The following CTNND2 variants were observed in gnomAD, a reference collection of about 807,000 sequenced individuals.
CTNND2 encodes the protein catenin delta 2.
CTNND2 carries 22 observed loss-of-function variants against 144.4 expected under a neutral mutation model. The ratio of observed to expected loss-of-function variants is 0.15; its 90% CI spans 0.11 to 0.22. The LOEUF (loss-of-function observed/expected upper bound fraction) is 0.22, where lower values mean the gene tolerates loss of function less well. Ranked by LOEUF, CTNND2 falls within the 10% of genes least tolerant of loss-of-function variation. CTNND2 has a pLI of 1.00. For missense variants in CTNND2, 1,353 were observed against 1,618.8 expected, an observed-to-expected ratio of 0.84 and a Z score of 2.82; for synonymous variants, 751 against 695.6, an observed-to-expected ratio of 1.08 and a Z score of -1.25.
intron 3 of CTNND2, among the ~76,000 whole-genome samples, chr5:11,414,715 C>A (rs1265089272): frequency 6.6e-6 from 1 of 152,138 alleles, no homozygotes; most frequent in Non-Finnish European, 1.5e-5. Flanking sequence ...AAGCCCAGAA[C>A]CCAAGAGTTA....
chr5:11,419,751 GCAT>G (rs964110535), intron 3 of CTNND2, among the ~76,000 whole-genome samples: 16 of 152,206 alleles, frequency 1.1e-4, no homozygotes, highest in African/African-American at 3.4e-4. Flanking sequence ...AAAGTTCAAA[GCAT>G]TTTTCTTAAT....
At chr5:11,093,357 T>A (rs553086556) in intron 15 of CTNND2, among the ~76,000 whole-genome samples, 2 of 149,062 alleles carry the variant, frequency 1.3e-5, no homozygotes, top group East Asian at 3.9e-4. Flanking sequence ...GTTTTAATAG[T>A]CTGCAACAAA....
chr5:11,556,079 T>G (rs1354804281), intron 3 of CTNND2, among the ~76,000 whole-genome samples: 1 of 152,214 alleles, frequency 6.6e-6, no homozygotes, highest in Admixed American at 6.5e-5. Flanking sequence ...TGAGAAATGG[T>G]TTTTTTCCTA....
intron 10 of CTNND2, among the ~76,000 whole-genome samples, chr5:11,208,223 A>G (rs1205448366): frequency 6.6e-6 from 1 of 152,214 alleles, no homozygotes; most frequent in East Asian, 1.9e-4. Flanking sequence ...ATGTGAATAA[A>G]GGTAAATGGA....
intron 2 of CTNND2, among the ~76,000 whole-genome samples, chr5:11,574,560 C>A (rs1777828432): frequency 6.6e-6 from 1 of 152,136 alleles, no homozygotes; most frequent in Admixed American, 6.5e-5. Context: ...TTCACACTCT[C>A]TTTTATTTTA....
chr5:11,872,934 C>T (rs1206354998), intron 1 of CTNND2, among the ~76,000 whole-genome samples: 2 of 152,268 alleles, frequency 1.3e-5, no homozygotes, highest in South Asian at 2.1e-4. Context: ...AGGACATAGG[C>T]ATTGACAAAG....
At chr5:11,699,536 A>G (rs1785320994) in intron 2 of CTNND2, among the ~76,000 whole-genome samples, 1 of 152,178 alleles carries the variant, frequency 6.6e-6, no homozygotes, top group Non-Finnish European at 1.5e-5. Flanking sequence ...ACCTTCTCAA[A>G]TTTTCAACAT....
chr5:11,674,767 C>T (rs768529267), intron 2 of CTNND2, among the ~76,000 whole-genome samples: 10 of 150,850 alleles, frequency 6.6e-5, no homozygotes, highest in Non-Finnish European at 1.2e-4. Context: ...TCCTCTGTCG[C>T]CAGGCTGGAG....
At chr5:11,188,785 C>T (rs751818684) in intron 11 of CTNND2, among the ~76,000 whole-genome samples, 2 of 152,136 alleles carry the variant, frequency 1.3e-5, no homozygotes, top group African/African-American at 4.8e-5. Flanking sequence ...CTATGGGATA[C>T]AGCTGCGTTA....
At chr5:11,174,122 A>T (rs539386730) in intron 11 of CTNND2, among the ~76,000 whole-genome samples, 1 of 152,240 alleles carries the variant, frequency 6.6e-6, no homozygotes, top group South Asian at 2.1e-4. Context: ...AGAGGTGAGG[A>T]ACACTGGAGG....
chr5:11,000,226 T>C (rs920280303), intron 18 of CTNND2, among the ~76,000 whole-genome samples: 2 of 152,198 alleles, frequency 1.3e-5, no homozygotes, highest in Non-Finnish European at 2.9e-5. Context: ...CAGCTTCTTA[T>C]TCTAGAAATT....
At chr5:11,578,953 A>G (rs1778195059) in intron 2 of CTNND2, among the ~76,000 whole-genome samples, 1 of 152,156 alleles carries the variant, frequency 6.6e-6, no homozygotes, top group African/African-American at 2.4e-5. Flanking sequence ...TCTTATATTA[A>G]CTTGTTTAAA....
intron 3 of CTNND2, among the ~76,000 whole-genome samples, chr5:11,523,590 G>A (rs1772950898): frequency 6.6e-6 from 1 of 152,196 alleles, no homozygotes; most frequent in Non-Finnish European, 1.5e-5. Flanking sequence ...CGTTTCTTCA[G>A]AGAAGAACTT....
intron 9 of CTNND2, among the ~76,000 whole-genome samples, chr5:11,247,181 G>T (rs1158889144): frequency 6.6e-6 from 1 of 152,204 alleles, no homozygotes; most frequent in Non-Finnish European, 1.5e-5. Context: ...GTTAAGAACA[G>T]ATTCTGAGGG....
intron 9 of CTNND2, among the ~76,000 whole-genome samples, chr5:11,279,877 A>C (rs1431190962): frequency 1.3e-5 from 2 of 152,140 alleles, no homozygotes; most frequent in Non-Finnish European, 2.9e-5. Flanking sequence ...ATCTTGCAAG[A>C]ACTCACTCAC....
At chr5:11,760,672 A>G (rs895393947) in intron 1 of CTNND2, among the ~76,000 whole-genome samples, 4 of 152,204 alleles carry the variant, frequency 2.6e-5, no homozygotes, top group Admixed American at 2.6e-4. Context: ...GGAGTGGAGC[A>G]GTAAGAATGC....
intron 12 of CTNND2, among the ~76,000 whole-genome samples, chr5:11,140,311 G>A (rs1212686829): frequency 6.6e-6 from 1 of 152,154 alleles, no homozygotes; most frequent in Non-Finnish European, 1.5e-5. Flanking sequence ...TCACAAGACT[G>A]TCCTCAAAGT....
intron 12 of CTNND2, among the ~76,000 whole-genome samples, chr5:11,130,852 C>T (rs1424490872): frequency 6.6e-6 from 1 of 152,128 alleles, no homozygotes; most frequent in African/African-American, 2.4e-5. Context: ...TTTACTCTGG[C>T]ACATTCATGG....
At chr5:11,816,438 C>G (rs1405585411) in intron 1 of CTNND2, among the ~76,000 whole-genome samples, 2 of 151,568 alleles carry the variant, frequency 1.3e-5, no homozygotes, top group South Asian at 4.2e-4. Flanking sequence ...ACCATGCAAA[C>G]AACATGCATC....
Sources: allele counts gnomAD v4.1 joint callset (sites outside exome capture counted in the v4.1 genomes callset), GRCh38; gene constraint gnomAD v4.1.1; transcripts MANE v1.5; gene names NCBI Gene and HGNC (gene_info 2026-07-23, HGNC 2026-07-21).